Variants in KIAA0513 observed in about 807,000 individuals in gnomAD.
KIAA0513 encodes KIAA0513.
In KIAA0513, 39 loss-of-function variants were observed where a neutral mutation model predicts 56.5. That is an observed-to-expected ratio of 0.69 (90% CI 0.53 to 0.90). The LOEUF is 0.90. Among genes scored for constraint, KIAA0513 ranks in the 40% least tolerant of loss-of-function variants. The pLI is 0.00. For synonymous variants in KIAA0513, 268 were observed against 215.6 expected, an observed-to-expected ratio of 1.24 and a Z score of -2.13; for missense variants, 591 against 535.2, an observed-to-expected ratio of 1.10 and a Z score of -1.03.
At chr16:85,074,327 C>A (rs1468153394) in intron 4 of KIAA0513, among the ~76,000 whole-genome samples, 1 of 144,110 alleles carries the variant, frequency 6.9e-6, no homozygotes, top group East Asian at 2.0e-4. Flanking sequence ...CACACACACA[C>A]GTATATATAC....
chr16:85,052,878 AATTTTT>A (rs1240146992), intron 1 of KIAA0513, among the ~76,000 whole-genome samples: 45 of 152,064 alleles, frequency 3.0e-4, no homozygotes, highest in African/African-American at 7.2e-4. Context: ...CTTCGGATCA[AATTTTT>A]ATTTTTATTT....
In KIAA0513 at chr16:85,092,704, G is replaced by T. The variant is rs548001970; in HGVS notation, c.*4379G>T. The T allele has an allele frequency of 6.6e-6, 1 of 152,348 alleles. No individual in the cohort carries two copies. Among genetic ancestry groups the T allele is most frequent in the East Asian group, 1.9e-4 (1 of 5,188 alleles). The allele number at this position is 152,348 out of a possible 1,614,324, so 9.4% of individuals were successfully genotyped here. A position where few individuals can be genotyped will look rare whatever the true frequency, so the allele number is the denominator to read the frequency against. ...CGTGTATTCATGTTGATGATTCTTG[G>T]AGATAGGTTTCACTTTTTCCCAGCT... On this transcript the variant is annotated 3_prime_UTR_variant, in exon 13 of 13. Coordinates refer to ENST00000683363, the MANE Select transcript of KIAA0513 (RefSeq NM_001388359.1).
intron 6 of KIAA0513, among the ~76,000 whole-genome samples, chr16:85,078,093 G>C (rs556771177): frequency 6.6e-6 from 1 of 152,272 alleles, no homozygotes; most frequent in Non-Finnish European, 1.5e-5. Flanking sequence ...CCACAAGGAA[G>C]AGGGATGCGG....
intron 1 of KIAA0513, 81 bp downstream of exon 1, chr16:85,027,939 T>TG (rs2072910707): frequency 1.0e-5 from 1 of 95,310 alleles, no homozygotes; most frequent in Non-Finnish European, 2.2e-5. Flanking sequence ...GGACCCGGGA[T>TG]GGGGGTCTGC....
intron 1 of KIAA0513, among the ~76,000 whole-genome samples, chr16:85,038,686 C>T (rs1458688209): frequency 1.5e-5 from 2 of 131,310 alleles, no homozygotes; most frequent in African/African-American, 3.1e-5. Context: ...CCAGCCTGGG[C>T]GACAGAGCCA....
chr16:85,031,175 T>C (rs1447999843), intron 1 of KIAA0513, among the ~76,000 whole-genome samples: 1 of 152,128 alleles, frequency 6.6e-6, no homozygotes, highest in African/African-American at 2.4e-5. Context: ...AGGACAAAAG[T>C]AATCGTTAGA....
At chr16:85,082,435 C>T in intron 9 of KIAA0513, 129 bp from the exon 10 acceptor site, 2 of 831,852 alleles carry the variant, frequency 2.4e-6, no homozygotes, top group South Asian at 1.6e-5. Context: ...TCGAATATTC[C>T]TGTCTTTCTC....
chr16:85,045,390 C>T (rs1291588257), intron 1 of KIAA0513, among the ~76,000 whole-genome samples: 2 of 152,194 alleles, frequency 1.3e-5, no homozygotes, highest in East Asian at 3.9e-4. Flanking sequence ...CAGTCTTGCT[C>T]TGTCACCTAT....
chr16:85,051,457 C>A (rs2073251055), intron 1 of KIAA0513, among the ~76,000 whole-genome samples: 1 of 152,166 alleles, frequency 6.6e-6, no homozygotes, highest in South Asian at 2.1e-4. Context: ...ATGGCCTCTC[C>A]CTGTTAATAA....
At position 85,065,476 on chromosome 16, in the gene KIAA0513, A is replaced by G. The variant is rs149933887; in HGVS notation, c.-172-1424A>G. 3.7e-3 allele frequency among the ~76,000 whole-genome samples: 556 copies of G among 152,276 alleles called. 1 individual carries two copies. The highest frequency in any genetic ancestry group is 0.013 in the African/African-American group (527 of 41,566). On this transcript the variant is annotated intron_variant, in intron 1 of 12. Coordinates refer to ENST00000683363, the MANE Select transcript of KIAA0513 (RefSeq NM_001388359.1). ...CTTGCTTTGCGGGGCTCCCCTGAAC[A>G]CGCCTAGCACCACGCTGGTGACCTG...
At position 85,078,980 on chromosome 16, in the gene KIAA0513, G is replaced by T. The variant is rs758251335; in HGVS notation, c.879G>T (p.Thr293=). ...EKKGEKIYLY[T]HLKQQPIWHT... ...AGGGGGAGAAGATCTACCTGTACAC[G>T]CACCTGAAGCAACAGCCCATCTGGT... The change falls in exon 8 of 13, where the codon ACG becomes ACT. Residue 293 remains threonine, a synonymous_variant. Transcript: ENST00000683363. The T allele has an allele frequency of 1.2e-6, 2 of 1,614,110 alleles. No individual in the cohort carries two copies. The highest frequency in any genetic ancestry group is 1.7e-5 in the Admixed American group (1 of 60,014).
In KIAA0513 at chr16:85,086,690, C is replaced by T. The variant is rs146565051; in HGVS notation, c.1057C>T (p.Arg353Trp). ...CCAGGAGGAGCGCGACGACAGCCTCCGGTTCAACGAGAACATCACCTTCGG... is the reference window on the plus strand; with the variant it reads ...CCAGGAGGAGCGCGACGACAGCCTCTGGTTCAACGAGAACATCACCTTCGG... ...MTQEERDDSL[R>W]FNENITFGQL... Residue 353 changes from arginine (R) to tryptophan (W), a missense_variant, in exon 11 of 13, where the codon CGG becomes TGG. Arg to Trp is a moderately radical substitution (Grantham distance 101, BLOSUM62 -3). Coordinates refer to ENST00000683363, the MANE Select transcript of KIAA0513 (RefSeq NM_001388359.1). 1.1e-5 allele frequency: 17 copies of T among 1,613,734 alleles called. No individual in the cohort carries two copies. Among genetic ancestry groups the T allele is most frequent in the African/African-American group, 4.0e-5 (3 of 74,936 alleles).
chr16:85,060,253 G>T (rs1473174523), intron 1 of KIAA0513, among the ~76,000 whole-genome samples: 3 of 152,220 alleles, frequency 2.0e-5, no homozygotes, highest in Admixed American at 6.5e-5. Flanking sequence ...GAGCCACTGT[G>T]CCCGGCTTTC....
intron 1 of KIAA0513, among the ~76,000 whole-genome samples, chr16:85,055,885 T>C (rs958225496): frequency 6.6e-6 from 1 of 152,164 alleles, no homozygotes; most frequent in African/African-American, 2.4e-5. Flanking sequence ...CCAACAAGCG[T>C]GGGCTCTCGG....
At chr16:85,056,279 C>T (rs918978117) in intron 1 of KIAA0513, among the ~76,000 whole-genome samples, 2 of 152,342 alleles carry the variant, frequency 1.3e-5, no homozygotes, top group South Asian at 4.1e-4. Flanking sequence ...CCCATCAGCG[C>T]GGCGTTAGAA....
intron 6 of KIAA0513, 117 bp from the exon 7 acceptor site, chr16:85,078,298 C>T: frequency 1.9e-6 from 2 of 1,061,734 alleles, no homozygotes; most frequent in Non-Finnish European, 1.4e-6. Context: ...AAAGGCTTTT[C>T]AGAGCAAGCC....
At chr16:85,083,061 GCCTGTCCTGTTTGCAACACCACC>G (rs2073766191) in intron 10 of KIAA0513, among the ~76,000 whole-genome samples, 2 of 152,228 alleles carry the variant, frequency 1.3e-5, no homozygotes, top group South Asian at 4.1e-4. Flanking sequence ...GGGGTGCAGA[GCCTGTCCTGTTTGCAACACCACC>G]CACTCTTGGG....
At chr16:85,058,321 T>C (rs2073357868) in intron 1 of KIAA0513, among the ~76,000 whole-genome samples, 1 of 152,150 alleles carries the variant, frequency 6.6e-6, no homozygotes, top group African/African-American at 2.4e-5. Context: ...CAAATTGATT[T>C]CATGTATGCC....
intron 1 of KIAA0513, among the ~76,000 whole-genome samples, chr16:85,057,841 C>G (rs896074876): frequency 6.6e-6 from 1 of 151,728 alleles, no homozygotes; most frequent in African/African-American, 2.4e-5. Context: ...CAAGCCAGCA[C>G]CTGTGAGTAG....
Sources: gnomAD v4.1 joint callset for allele counts (sites outside exome capture counted in the v4.1 genomes callset) on GRCh38, gnomAD v4.1.1 for gene constraint, MANE v1.5 for transcripts, NCBI Gene and HGNC (gene_info 2026-07-23, HGNC 2026-07-21) for gene names.